Variants in PSCA observed in about 807,000 individuals in gnomAD.
PSCA encodes the protein prostate stem cell antigen.
A neutral mutation model predicts 7.9 loss-of-function variants in PSCA; 7 were observed. The observed-to-expected ratio is 0.89, with a 90% CI of 0.51 to 1.67. The LOEUF (loss-of-function observed/expected upper bound fraction) is 1.67. Ranked by LOEUF, PSCA falls within the 40% of genes most tolerant of loss-of-function variation. The pLI is 0.00. For missense variants in PSCA, 151 were observed against 147.9 expected (o/e 1.02, Z -0.11); for synonymous variants, 61 against 68.3 (o/e 0.89, Z 0.53).
chr8:142,674,942 C>A (rs1173869750), intron 1 of PSCA, among the ~76,000 whole-genome samples: 1 of 152,258 alleles, frequency 6.6e-6, no homozygotes, highest in African/African-American at 2.4e-5. Flanking sequence ...CGGAGCTAAC[C>A]CCTCACTGTC....
intron 1 of PSCA, chr8:142,681,071 T>A: frequency 2.0e-6 from 1 of 503,088 alleles, no homozygotes. Flanking sequence ...GGTCCCGGGT[T>A]CAGTCACCCC....
At chr8:142,680,650 AGG>A (rs778349257) in intron 1 of PSCA, 87 bp downstream of exon 1, 19 of 1,484,810 alleles carry the variant, frequency 1.3e-5, no homozygotes, top group Admixed American at 7.9e-5. Context: ...CACGGAGAGG[AGG>A]GGAAGGAAGG....
Position 142,682,520 on chromosome 8 carries a change from A to T in PSCA, c.*388A>T, listed in dbSNP as rs1554638590. 2.0e-6 allele frequency: 1 copy of T among 488,052 alleles called. No homozygotes were observed. Among genetic ancestry groups the T allele is most frequent in the Non-Finnish European group, 4.0e-6 (1 of 248,402 alleles). The allele number at this position is 488,052 out of a possible 1,614,324, so 30.2% of individuals were successfully genotyped here. On this transcript the variant is annotated 3_prime_UTR_variant, in exon 3 of 3. Coordinates refer to ENST00000301258, the MANE Select transcript of PSCA (RefSeq NM_005672.5). ...TGGTGTCCCCCGCACCCAGCAGGGG[A>T]CAGGCACTCAGGAGGGCCCGGTAAA...
chr8:142,671,300 G>C (rs139501580), intron 1 of PSCA, among the ~76,000 whole-genome samples: 1 of 152,162 alleles, frequency 6.6e-6, no homozygotes, highest in African/African-American at 2.4e-5. Flanking sequence ...TGAAGATGGA[G>C]GAAGGGGCCA....
intron 1 of PSCA, among the ~76,000 whole-genome samples, chr8:142,671,899 C>T (rs1401979167): frequency 6.6e-6 from 1 of 152,106 alleles, no homozygotes; most frequent in Non-Finnish European, 1.5e-5. Flanking sequence ...TTCTCTTCCT[C>T]ACCCTCCCTT....
rs1344962150 is a variant in PSCA, at chr8:142,682,203, C to G, written c.*71C>G. On this transcript the variant is annotated 3_prime_UTR_variant, in exon 3 of 3. Transcript: ENST00000301258. ...GGCCTCTGTGCCACTCCTCACACAC[C>G]CGGCCCAGTGGGAGCCTGTCCTGGT... The G allele has an allele frequency of 6.7e-7, 1 of 1,501,678 alleles. No homozygotes were observed. The highest frequency in any genetic ancestry group is 9.0e-7 in the Non-Finnish European group (1 of 1,110,896). The allele number at this position is 1,501,678 out of a possible 1,614,324, so 93.0% of individuals were successfully genotyped here. A position where few individuals can be genotyped will look rare whatever the true frequency, so the allele number is the denominator to read the frequency against.
chr8:142,681,302 A>C, intron 1 of PSCA, 25 bp from the exon 2 acceptor site: 1 of 1,530,642 alleles, frequency 6.5e-7, no homozygotes, highest in South Asian at 1.2e-5. Flanking sequence ...GCAGCCTCTG[A>C]GGCCCCTCCC....
intron 1 of PSCA, among the ~76,000 whole-genome samples, chr8:142,671,469 AAATT>A (rs1554637354): frequency 6.6e-6 from 1 of 152,210 alleles, no homozygotes; most frequent in East Asian, 1.9e-4. Flanking sequence ...TGTAAGATAT[AAATT>A]TGTATTGTTT....
chr8:142,681,025 AGCT>A, intron 1 of PSCA: 1 of 469,152 alleles, frequency 2.1e-6, no homozygotes, highest in South Asian at 2.5e-5. Flanking sequence ...GGTCCCAGGG[AGCT>A]GCTCTGCTTG....
upstream of PSCA, among the ~76,000 whole-genome samples, chr8:142,679,220 G>A (rs587761398): frequency 6.6e-5 from 10 of 152,382 alleles, no homozygotes; most frequent in Non-Finnish European, 1.2e-4. Flanking sequence ...GGGCCTAGCC[G>A]CTGCCTCCTG....
At chr8:142,680,046 G>A (rs892760587), upstream of PSCA, 36 of 157,946 alleles carry the variant, frequency 2.3e-4, no homozygotes, top group African/African-American at 7.7e-4. Context: ...ACCTGCTAAT[G>A]ATCTGTCAGT....
intron 1 of PSCA, among the ~76,000 whole-genome samples, chr8:142,672,278 C>CCCA (rs369663281): frequency 6.6e-6 from 1 of 151,990 alleles, no homozygotes; most frequent in Non-Finnish European, 1.5e-5. Context: ...ACTGCCCTCC[C>CCCA]CAATCCACAC....
chr8:142,680,938 AG>A, intron 1 of PSCA: 1 of 459,622 alleles, frequency 2.2e-6, no homozygotes. Flanking sequence ...TTGGGGCACA[AG>A]GGGGAGGTGC....
At position 142,682,423 on chromosome 8, in the gene PSCA, T is replaced by C. The variant is rs1554638562; in HGVS notation, c.*291T>C. The C allele has an allele frequency of 1.5e-6, 1 of 665,016 alleles. No homozygotes were observed. Among genetic ancestry groups the C allele is most frequent in the South Asian group, 1.5e-5 (1 of 66,416 alleles). 41.2% of individuals were successfully genotyped at this position (665,016 alleles called of 1,614,324 possible). On this transcript the variant is annotated 3_prime_UTR_variant, in exon 3 of 3. Transcript: ENST00000301258. ...CCAGCATTCTCCACCCTTAACCCTGTGCTCAGGCACCTCTTCCCCCAGGAA... is the reference window on the plus strand; with the variant it reads ...CCAGCATTCTCCACCCTTAACCCTGCGCTCAGGCACCTCTTCCCCCAGGAA...
At chr8:142,674,491 G>A (rs1352692925) in intron 1 of PSCA, among the ~76,000 whole-genome samples, 2 of 152,222 alleles carry the variant, frequency 1.3e-5, no homozygotes, top group Non-Finnish European at 2.9e-5. Context: ...GTGGCCTTTC[G>A]TTAGCTTTAC....
chr8:142,672,622 A>G (rs1443428865), intron 1 of PSCA, among the ~76,000 whole-genome samples: 1 of 152,186 alleles, frequency 6.6e-6, no homozygotes, highest in Non-Finnish European at 1.5e-5. Flanking sequence ...AAGCAGCATC[A>G]TTGGGGTAAA....
intron 1 of PSCA, 64 bp from the exon 2 acceptor site, chr8:142,681,263 G>C (rs984328780): frequency 2.9e-5 from 38 of 1,296,164 alleles, no homozygotes; most frequent in Non-Finnish European, 3.8e-5. Flanking sequence ...ACCTGCCTGG[G>C]AGCCCCCATT....
chr8:142,682,294 C>A lies in PSCA; in HGVS notation c.*162C>A. 1 of 883,758 alleles carries A rather than the reference C, an allele frequency of 1.1e-6. No individual in the cohort carries two copies. Among genetic ancestry groups the A allele is most frequent in the Non-Finnish European group, 1.8e-6 (1 of 551,322 alleles). The allele number at this position is 883,758 out of a possible 1,614,324, so 54.7% of individuals were successfully genotyped here. A position where few individuals can be genotyped will look rare whatever the true frequency, so the allele number is the denominator to read the frequency against. On this transcript the variant is annotated 3_prime_UTR_variant, in exon 3 of 3. Transcript: ENST00000301258. ...TGCGCCCCTGTCCCCCACCCTGACC[C>A]TCCCATGGCCCTCTCCAGGACTCCC...
chr8:142,681,237 A>G (rs1332410992), intron 1 of PSCA, 90 bp from the exon 2 acceptor site: 10 of 962,562 alleles, frequency 1.0e-5, no homozygotes, highest in Non-Finnish European at 1.6e-5. Context: ...TCCTCAGGCC[A>G]CCGCCATGGA....
Sources: gnomAD v4.1 joint callset for allele counts (sites outside exome capture counted in the v4.1 genomes callset) on GRCh38, gnomAD v4.1.1 for gene constraint, MANE v1.5 for transcripts, NCBI Gene and HGNC (gene_info 2026-07-23, HGNC 2026-07-21) for gene names.